The following AP2B1 variants were observed in gnomAD, a reference collection of about 807,000 sequenced individuals.
AP2B1 encodes adaptor related protein complex 2 subunit beta 1.
In AP2B1, 23 loss-of-function variants were observed where a neutral mutation model predicts 102.0. That is an observed-to-expected ratio of 0.23 (90% confidence interval 0.16 to 0.32). The LOEUF is 0.32. Ranked by LOEUF, AP2B1 falls within the 10% of genes least tolerant of loss-of-function variation. The pLI is 1.00. For missense variants in AP2B1, 541 were observed against 1,157.4 expected (o/e 0.47, Z 7.73); for synonymous variants, 381 against 421.2 (o/e 0.90, Z 1.17).
At chr17:35,722,962 G>GGT (rs1234809825) in intron 21 of AP2B1, among the ~76,000 whole-genome samples, 1 of 152,162 alleles carries the variant, frequency 6.6e-6, no homozygotes, top group Non-Finnish European at 1.5e-5. Flanking sequence ...TAAAAGAAGA[G>GGT]GTGGTGGTAG....
chr17:35,687,738 A>T (rs1487290846), intron 18 of AP2B1, among the ~76,000 whole-genome samples: 1 of 151,930 alleles, frequency 6.6e-6, no homozygotes, highest in Non-Finnish European at 1.5e-5. Flanking sequence ...TTATGTAGAG[A>T]TGGGGTCTCA....
At chr17:35,643,399 G>A (rs1437308950) in intron 12 of AP2B1, among the ~76,000 whole-genome samples, 1 of 152,112 alleles carries the variant, frequency 6.6e-6, no homozygotes, top group Non-Finnish European at 1.5e-5. Context: ...ATGTTTAGTA[G>A]TTTCCTCTGT....
intron 9 of AP2B1, among the ~76,000 whole-genome samples, chr17:35,628,833 T>C (rs1470304637): frequency 6.6e-6 from 1 of 152,238 alleles, no homozygotes; most frequent in Non-Finnish European, 1.5e-5. Context: ...TTTCTTATTC[T>C]ATCAACTGTT....
intron 14 of AP2B1, among the ~76,000 whole-genome samples, chr17:35,668,126 C>G (rs1045107211): frequency 6.6e-6 from 1 of 151,682 alleles, no homozygotes; most frequent in Admixed American, 6.6e-5. Context: ...TTAGTAGAGA[C>G]GGGTTTCACC....
intron 5 of AP2B1, among the ~76,000 whole-genome samples, chr17:35,614,387 GTT>G (rs1045830628): frequency 5.9e-5 from 9 of 151,928 alleles, no homozygotes; most frequent in African/African-American, 2.2e-4. Flanking sequence ...GATGGATCTT[GTT>G]TTGTTGCCCA....
intron 8 of AP2B1, 31 bp from the exon 9 acceptor site, chr17:35,627,600 T>G: frequency 6.2e-7 from 1 of 1,613,424 alleles, no homozygotes; most frequent in South Asian, 1.1e-5. Flanking sequence ...TTGAGAATCC[T>G]TAATGATTAA....
In AP2B1 at chr17:35,650,726, C is replaced by T; in HGVS notation, c.1733C>T (p.Pro578Leu). ...TTGGCCTCTGTGTATCATAAGCCTC[C>T]CAATGCTTTTGTGGAAGGAAGTCAT... ...GSLASVYHKP[P>L]NAFVEGSHGI... is the part of the protein sequence containing the mutation. Residue 578 changes from proline to leucine, a missense_variant, in exon 13 of 22, where the codon CCC becomes CTC. Coordinates refer to ENST00000610402, the MANE Select transcript of AP2B1 (RefSeq NM_001030006.2). The T allele has an allele frequency of 6.2e-7, 1 of 1,614,168 alleles. No individual in the cohort carries two copies. Among genetic ancestry groups the T allele is most frequent in the Non-Finnish European group, 8.5e-7 (1 of 1,180,040 alleles).
At chr17:35,618,230 CA>C (rs2074079268) in intron 5 of AP2B1, among the ~76,000 whole-genome samples, 1 of 152,194 alleles carries the variant, frequency 6.6e-6, no homozygotes, top group Non-Finnish European at 1.5e-5. Flanking sequence ...CTGAAACTCT[CA>C]GAACAAATAT....
At chr17:35,711,994 A>T (rs77044406) in intron 20 of AP2B1, among the ~76,000 whole-genome samples, 2,269 of 152,336 alleles carry the variant, frequency 0.015, 42 homozygotes, top group African/African-American at 0.048. Flanking sequence ...ATCTTTGCAT[A>T]TAGAAACTTC....
chr17:35,619,268 A>G (rs567716019), intron 5 of AP2B1, among the ~76,000 whole-genome samples: 6 of 152,238 alleles, frequency 3.9e-5, no homozygotes, highest in Non-Finnish European at 8.8e-5. Flanking sequence ...AATATTCAAT[A>G]CATTTTAGCT....
chr17:35,597,923 A>G (rs1326559720), intron 2 of AP2B1, among the ~76,000 whole-genome samples: 4 of 152,134 alleles, frequency 2.6e-5, no homozygotes, highest in African/African-American at 9.7e-5. Flanking sequence ...CATCCTTCAT[A>G]TACTGTTCTC....
intron 18 of AP2B1, among the ~76,000 whole-genome samples, chr17:35,689,203 G>A (rs2075994396): frequency 6.6e-6 from 1 of 152,084 alleles, no homozygotes. Context: ...TGTTTGAGAT[G>A]GAGTCTCGCT....
At chr17:35,657,507 A>C in intron 13 of AP2B1, 92 bp from the exon 14 acceptor site, 4 of 949,028 alleles carry the variant, frequency 4.2e-6, no homozygotes, top group Non-Finnish European at 6.3e-6. Context: ...TGATAGTTAT[A>C]TATAGCTATA....
intron 9 of AP2B1, among the ~76,000 whole-genome samples, chr17:35,628,395 A>G (rs2074373197): frequency 6.6e-6 from 1 of 152,210 alleles, no homozygotes; most frequent in Non-Finnish European, 1.5e-5. Flanking sequence ...TGAGCCCAGC[A>G]GTTTGAGACC....
intron 3 of AP2B1, among the ~76,000 whole-genome samples, chr17:35,604,763 G>GA (rs1372257732): frequency 2.0e-5 from 3 of 151,308 alleles, no homozygotes; most frequent in East Asian, 1.9e-4. Context: ...GTCTCAAAAA[G>GA]AAAAAAAAGG....
intron 18 of AP2B1, among the ~76,000 whole-genome samples, chr17:35,702,131 A>G (rs1487232078): frequency 6.6e-6 from 1 of 152,248 alleles, no homozygotes; most frequent in Admixed American, 6.5e-5. Flanking sequence ...GCATGGGGAC[A>G]GGCAATAAAC....
intron 2 of AP2B1, 115 bp from the exon 3 acceptor site, chr17:35,598,115 A>T (rs1018703741): frequency 4.5e-6 from 2 of 446,202 alleles, no homozygotes; most frequent in Non-Finnish European, 8.0e-6. Flanking sequence ...CTATAATTTT[A>T]AAATCTTATT....
chr17:35,611,056 C>CA (rs1313329142), intron 5 of AP2B1, among the ~76,000 whole-genome samples: 1 of 152,002 alleles, frequency 6.6e-6, no homozygotes, highest in African/African-American at 2.4e-5. Context: ...GCCTGAGTGA[C>CA]AAAGACAGAC....
intron 5 of AP2B1, among the ~76,000 whole-genome samples, chr17:35,619,650 G>A (rs1191107365): frequency 6.6e-6 from 1 of 151,930 alleles, no homozygotes; most frequent in Non-Finnish European, 1.5e-5. Flanking sequence ...ATCTATCTCT[G>A]TAAAGTATAC....
Sources: allele counts gnomAD v4.1 joint callset (sites outside exome capture counted in the v4.1 genomes callset), GRCh38; gene constraint gnomAD v4.1.1; transcripts MANE v1.5; gene names NCBI Gene and HGNC (gene_info 2026-07-23, HGNC 2026-07-21).